The following MATCAP1 variants were observed in gnomAD, a reference collection of about 807,000 sequenced individuals.
The protein encoded by MATCAP1 is microtubule associated tyrosine carboxypeptidase 1.
the MATCAP1 span, chr16:67,179,298 G>C: frequency 1.3e-6 from 2 of 1,494,942 alleles, no homozygotes; most frequent in East Asian, 2.3e-5. This position sits in a 1 kb window ranked among gnomAD's most constrained non-coding sequence, Gnocchi z 5.2. Flanking sequence ...TGCTCAGGAA[G>C]GGAAAGCCCC....
At chr16:67,180,787 G>T in the MATCAP1 span, 5 of 433,746 alleles carry the variant, frequency 1.2e-5, no homozygotes, top group African/African-American at 8.1e-5. Context: ...TGCTACCAGG[G>T]GTCTGATTGG....
chr16:67,179,466 G>C, the MATCAP1 span: 1 of 1,612,392 alleles, frequency 6.2e-7, no homozygotes, highest in Non-Finnish European at 8.5e-7. The surrounding 1 kb of genome is among the most constrained non-coding windows in gnomAD (Gnocchi z 5.2). Context: ...AACCAGTACT[G>C]GCGGGCTCCG....
the MATCAP1 span, among the ~76,000 whole-genome samples, chr16:67,177,738 A>G: frequency 6.6e-6 from 1 of 152,180 alleles, no homozygotes; most frequent in Non-Finnish European, 1.5e-5. Flanking sequence ...CCATTTCTGC[A>G]GCCTTCTTCC....
the MATCAP1 span, chr16:67,178,997 G>A: frequency 1.6e-6 from 1 of 625,714 alleles, no homozygotes; most frequent in Non-Finnish European, 2.3e-6. Flanking sequence ...TGCCCAAACT[G>A]GCCAGTCCCC....
chr16:67,180,116 CTG>C, the MATCAP1 span: 4 of 1,614,082 alleles, frequency 2.5e-6, no homozygotes, highest in East Asian at 4.5e-5. Flanking sequence ...GGTACTCAAA[CTG>C]TGGATTGTAG....
the MATCAP1 span, chr16:67,179,529 G>A: frequency 6.2e-7 from 1 of 1,613,302 alleles, no homozygotes; most frequent in Non-Finnish European, 8.5e-7. The surrounding 1 kb of genome is among the most constrained non-coding windows in gnomAD (Gnocchi z 5.2). Flanking sequence ...ATCACTGCCT[G>A]GGACAGCAGG....
At chr16:67,181,652 A>G in the MATCAP1 span, 1 of 152,066 alleles carries the variant, frequency 6.6e-6, no homozygotes, top group Non-Finnish European at 1.5e-5. Flanking sequence ...CTTCCTCTCT[A>G]CTGGACTCTT....
At chr16:67,177,605 C>G in the MATCAP1 span, among the ~76,000 whole-genome samples, 5 of 152,186 alleles carry the variant, frequency 3.3e-5, no homozygotes, top group Admixed American at 2.6e-4. Flanking sequence ...CCAGAAGGAG[C>G]CTTCTGAAGC....
the MATCAP1 span, chr16:67,183,649 A>C: frequency 1.3e-5 from 2 of 153,158 alleles, no homozygotes; most frequent in Non-Finnish European, 2.9e-5. Flanking sequence ...GTGCGGAGAG[A>C]AGCCCCGGAG....
At chr16:67,180,202 G>A in the MATCAP1 span, 4 of 1,614,070 alleles carry the variant, frequency 2.5e-6, no homozygotes, top group African/African-American at 5.3e-5. Context: ...AACATGCAGG[G>A]GCTCTTGCTG....
chr16:67,176,694 C>T, the MATCAP1 span: 1 of 996,496 alleles, frequency 1.0e-6, no homozygotes, highest in Non-Finnish European at 1.4e-6. The surrounding 1 kb of genome is among the most constrained non-coding windows in gnomAD (Gnocchi z 4.3). Context: ...TGCTCCTGCC[C>T]TCCCAACACC....
the MATCAP1 span, chr16:67,180,379 G>A: frequency 7.4e-6 from 12 of 1,612,660 alleles, no homozygotes; most frequent in African/African-American, 2.7e-5. Flanking sequence ...TCACTGCGAC[G>A]CATGTGGCCA....
the MATCAP1 span, chr16:67,179,524 T>C: frequency 6.2e-7 from 1 of 1,613,402 alleles, no homozygotes. The surrounding 1 kb of genome is among the most constrained non-coding windows in gnomAD (Gnocchi z 5.2). Context: ...CCATCATCAC[T>C]GCCTGGGACA....
the MATCAP1 span, chr16:67,179,584 G>A: frequency 6.2e-7 from 1 of 1,602,538 alleles, no homozygotes; most frequent in Non-Finnish European, 8.5e-7. The surrounding 1 kb of genome is among the most constrained non-coding windows in gnomAD (Gnocchi z 5.2). Context: ...AGTGCTCTGA[G>A]CCATGGCCAC....
chr16:67,180,423 T>C, the MATCAP1 span: 4 of 1,612,178 alleles, frequency 2.5e-6, no homozygotes, highest in South Asian at 3.3e-5. Flanking sequence ...GAACGGCTGC[T>C]GCTCAGGCTG....
the MATCAP1 span, chr16:67,180,326 G>A: frequency 1.9e-6 from 3 of 1,612,142 alleles, no homozygotes; most frequent in African/African-American, 4.0e-5. Flanking sequence ...GTCCCAGGGT[G>A]CCACGCCCCC....
At chr16:67,180,759 C>T in the MATCAP1 span, 16 of 467,210 alleles carry the variant, frequency 3.4e-5, no homozygotes, top group Non-Finnish European at 5.4e-5. Flanking sequence ...CTGCTGGGCC[C>T]TTGGTGGGCC....
At chr16:67,178,784 C>G in the MATCAP1 span, 1 of 677,826 alleles carries the variant, frequency 1.5e-6, no homozygotes, top group African/African-American at 1.8e-5. Context: ...CACACGTGCA[C>G]GAACTCTCCC....
the MATCAP1 span, chr16:67,176,784 G>T: frequency 6.5e-7 from 1 of 1,536,746 alleles, no homozygotes; most frequent in East Asian, 2.4e-5. The surrounding 1 kb of genome is among the most constrained non-coding windows in gnomAD (Gnocchi z 4.3). Context: ...TCTGTCCAGG[G>T]CCTCTGACTG....
Sources: allele counts gnomAD v4.1 joint callset (sites outside exome capture counted in the v4.1 genomes callset), GRCh38; gene constraint gnomAD v4.1.1; non-coding constraint Gnocchi (gnomAD v3.1); transcripts MANE v1.5; gene names NCBI Gene and HGNC (gene_info 2026-07-23, HGNC 2026-07-21).